The following DYNC2I1 variants were observed in gnomAD, a reference collection of about 807,000 sequenced individuals.
The protein encoded by DYNC2I1 is cytoplasmic dynein 2 intermediate chain 1.
Under a neutral mutation model 133.4 loss-of-function variants are expected in DYNC2I1, and 89 were observed. The observed-to-expected ratio is 0.67, with a 90% CI of 0.56 to 0.80. The LOEUF (loss-of-function observed/expected upper bound fraction) is 0.80, where lower values mean the gene tolerates loss of function less well. Ranked by LOEUF, DYNC2I1 falls within the 30% of genes least tolerant of loss-of-function variation. The pLI is 0.00. For missense variants in DYNC2I1, 1,291 were observed against 1,314.5 expected (o/e 0.98, Z 0.28); for synonymous variants, 504 against 484.3 (o/e 1.04, Z -0.54).
chr7:158,883,943 C>T (rs531861383), intron 5 of DYNC2I1, among the ~76,000 whole-genome samples: 29 of 151,794 alleles, frequency 1.9e-4, no homozygotes, highest in East Asian at 3.9e-4. Flanking sequence ...GGATTACAAG[C>T]GTGAGCCACC....
intron 10 of DYNC2I1, chr7:158,904,288 C>G (rs1303558904): frequency 6.6e-6 from 1 of 152,274 alleles, no homozygotes; most frequent in Non-Finnish European, 1.5e-5. Flanking sequence ...GTGCCAGGCA[C>G]GTTCTGAGTG....
chr7:158,928,635 C>T (rs746223127), intron 20 of DYNC2I1, among the ~76,000 whole-genome samples: 1 of 152,150 alleles, frequency 6.6e-6, no homozygotes, highest in African/African-American at 2.4e-5. Context: ...CTCATGGAGC[C>T]GTTCTGCTCT....
rs1158168645 is a variant in DYNC2I1, at chr7:158,945,692, G to A, written c.3114G>A (p.Arg1038=). 6.2e-7 allele frequency: 1 copy of A among 1,612,498 alleles called. No homozygotes were observed. Among genetic ancestry groups the A allele is most frequent in the Admixed American group, 1.7e-5 (1 of 59,834 alleles). Reference sequence around the variant, plus strand: ...TCGACATCCAGCACCTGAAGAGGCGGTGGGCGGCCCCGGAGGTGGACGAGT... The same window carrying A: ...TCGACATCCAGCACCTGAAGAGGCGATGGGCGGCCCCGGAGGTGGACGAGT... ...GSIDIQHLKR[R]WAAPEVDECN... Residue 1038 remains arginine, a synonymous_variant, in exon 25 of 25, where the codon CGG becomes CGA. Coordinates refer to ENST00000407559, the MANE Select transcript of DYNC2I1 (RefSeq NM_018051.5). This position sits in a 1 kb window ranked among gnomAD's most constrained non-coding sequence, Gnocchi z 4.1.
chr7:158,910,578 T>C (rs2129484573), intron 11 of DYNC2I1, among the ~76,000 whole-genome samples: 1 of 134,858 alleles, frequency 7.4e-6, no homozygotes, highest in Admixed American at 7.3e-5. Context: ...CTGAGGGTGA[T>C]TGGAGGGCCA....
Position 158,922,468 on chromosome 7 carries a change from G to C in DYNC2I1, c.2013G>C (p.Leu671=). ...TACCCGAGAAGAGCTTTGTGCCCCT[G>C]CTGGACAGCAAATACGTCCTCTGTG... ...HDLPEKSFVP[L]LDSKYVLCVW... is the part of the protein sequence containing the mutation. The change falls in exon 16 of 25, where the codon CTG becomes CTC. Residue 671 remains leucine (L), a synonymous_variant. Transcript: ENST00000407559. The C allele has an allele frequency of 6.2e-7, 1 of 1,614,028 alleles. No individual in the cohort carries two copies. Among genetic ancestry groups the C allele is most frequent in the South Asian group, 1.1e-5 (1 of 91,082 alleles).
At chr7:158,958,036 C>CCAGG (rs1433213907), downstream of DYNC2I1, among the ~76,000 whole-genome samples, 1 of 151,884 alleles carries the variant, frequency 6.6e-6, no homozygotes, top group Non-Finnish European at 1.5e-5. Context: ...CAGCCACACC[C>CCAGG]TAGGTCGTGG....
At chr7:158,886,025 TATATTAC>T (rs1436970856) in intron 6 of DYNC2I1, among the ~76,000 whole-genome samples, 1 of 148,898 alleles carries the variant, frequency 6.7e-6, no homozygotes, top group Non-Finnish European at 1.5e-5. Flanking sequence ...ATTTTTATTT[TATATTAC>T]ATATTATATA....
chr7:158,857,540 GT>G (rs1278230154), intron 1 of DYNC2I1, among the ~76,000 whole-genome samples: 41 of 100,902 alleles, frequency 4.1e-4, no homozygotes, highest in Admixed American at 7.0e-4. Flanking sequence ...TTAGGTTTTT[GT>G]TTTTTTTTTT....
At chr7:158,876,448 T>C (rs1843364788) in intron 3 of DYNC2I1, among the ~76,000 whole-genome samples, 161 bp from the exon 4 acceptor site, 1 of 152,222 alleles carries the variant, frequency 6.6e-6, no homozygotes, top group South Asian at 2.1e-4. Context: ...ATACTAGAAC[T>C]CTTCATTCTT....
At chr7:158,935,505 G>A (rs1293635438) in intron 23 of DYNC2I1, among the ~76,000 whole-genome samples, 5 of 152,198 alleles carry the variant, frequency 3.3e-5, no homozygotes, top group Admixed American at 3.3e-4. Context: ...AGATTGAGGG[G>A]AAAGATTGTT....
intron 17 of DYNC2I1, among the ~76,000 whole-genome samples, chr7:158,925,040 G>T (rs1024641070): frequency 6.6e-6 from 1 of 152,198 alleles, no homozygotes; most frequent in Non-Finnish European, 1.5e-5. Context: ...ACAGGCATAA[G>T]CCACCGCACC....
the DYNC2I1 span, among the ~76,000 whole-genome samples, chr7:158,847,267 T>G: frequency 1.3e-5 from 2 of 152,196 alleles, no homozygotes; most frequent in African/African-American, 4.8e-5. Flanking sequence ...GTAAATGGTG[T>G]TTCTGGTGGT....
upstream of DYNC2I1, among the ~76,000 whole-genome samples, chr7:158,853,527 G>A (rs1015249477): frequency 2.0e-5 from 3 of 152,128 alleles, no homozygotes; most frequent in Admixed American, 1.3e-4. Context: ...GTTTTTATGA[G>A]CTGGACTTGT....
At chr7:158,893,101 C>A (rs1372284970) in intron 8 of DYNC2I1, among the ~76,000 whole-genome samples, 1 of 152,004 alleles carries the variant, frequency 6.6e-6, no homozygotes, top group Non-Finnish European at 1.5e-5. Context: ...ATCCGAAGTC[C>A]AAGATTTATG....
upstream of DYNC2I1, among the ~76,000 whole-genome samples, chr7:158,854,985 C>A (rs572693698): frequency 6.6e-6 from 1 of 152,332 alleles, no homozygotes; most frequent in African/African-American, 2.4e-5. Context: ...CTGGCAGGAG[C>A]CTTGCAGCCT....
intron 5 of DYNC2I1, among the ~76,000 whole-genome samples, chr7:158,883,519 C>G (rs917670110): frequency 6.6e-6 from 1 of 151,468 alleles, no homozygotes; most frequent in Non-Finnish European, 1.5e-5. Context: ...TGCCTGGCCT[C>G]TATATGATTT....
At chr7:158,852,549 G>A (rs1841083871), upstream of DYNC2I1, among the ~76,000 whole-genome samples, 1 of 151,140 alleles carries the variant, frequency 6.6e-6, no homozygotes, top group Non-Finnish European at 1.5e-5. Context: ...GACCAGCCTG[G>A]CCAACATGGT....
intron 23 of DYNC2I1, among the ~76,000 whole-genome samples, chr7:158,936,639 T>C (rs974070072): frequency 6.6e-6 from 1 of 152,374 alleles, no homozygotes; most frequent in East Asian, 1.9e-4. Flanking sequence ...GCAGGACTAC[T>C]GTCTGCAGCC....
In DYNC2I1 at chr7:158,926,268, G is replaced by T; in HGVS notation, c.2339G>T (p.Ser780Ile). 1 of 1,613,106 alleles carries T rather than the reference G, an allele frequency of 6.2e-7. No individual in the cohort carries two copies. The highest frequency in any genetic ancestry group is 8.5e-7 in the Non-Finnish European group (1 of 1,179,552). Residue 780 changes from serine to isoleucine, a missense_variant, in exon 18 of 25, where the codon AGC becomes ATC. Coordinates refer to ENST00000407559, the MANE Select transcript of DYNC2I1 (RefSeq NM_018051.5). ...PISTSVHKKQ[S>I]FVLSPFSTQE... Reference sequence around the variant, plus strand: ...TCAACGTCCGTCCACAAAAAGCAGAGCTTTGTGCTTTCACCCTTTTCTACT... The same window carrying T: ...TCAACGTCCGTCCACAAAAAGCAGATCTTTGTGCTTTCACCCTTTTCTACT...
Sources: gnomAD v4.1 joint callset for allele counts (sites outside exome capture counted in the v4.1 genomes callset) on GRCh38, gnomAD v4.1.1 for gene constraint, Gnocchi (gnomAD v3.1) non-coding constraint, MANE v1.5 for transcripts, NCBI Gene and HGNC (gene_info 2026-07-23, HGNC 2026-07-21) for gene names.